Variants in CCDC18 observed in about 807,000 individuals in gnomAD.
The protein encoded by CCDC18 is coiled-coil domain-containing protein 18.
Under a neutral mutation model 196.0 loss-of-function variants are expected in CCDC18, and 157 were observed. The ratio of observed to expected loss-of-function variants is 0.80; its 90% CI spans 0.70 to 0.91. The LOEUF (loss-of-function observed/expected upper bound fraction) is 0.91. CCDC18 is among the 40% of genes least tolerant of loss of function. The pLI, the probability that CCDC18 is intolerant of heterozygous loss-of-function variation, is 0.00. For missense variants in CCDC18, 1,465 were observed against 1,611.6 expected (o/e 0.91, Z 1.56); for synonymous variants, 482 against 529.2 (o/e 0.91, Z 1.22).
rs764495242 is a variant in CCDC18 at position 93,256,511 on chromosome 1, G to A, written c.3519G>A (p.Glu1173=). Residue 1173 remains glutamate (E), a synonymous_variant, in exon 25 of 29, where the codon GAG becomes GAA. Coordinates refer to ENST00000690025, the MANE Select transcript of CCDC18 (RefSeq NM_001378204.1). The part of the protein sequence containing the change: ...REIERLSSEL[E]DMKQLSKEKD... ...TAGAAAGGCTCTCTAGTGAACTGGA[G>A]GATATGAAGCAACTCTCTAAAGAGA... is the stretch of plus-strand genomic sequence containing the variant. 16 of 1,613,616 alleles carry A rather than the reference G, an allele frequency of 9.9e-6. No homozygotes were observed. In the South Asian group the frequency reaches 1.6e-4, roughly 17 times the overall value.
intron 3 of CCDC18, among the ~76,000 whole-genome samples, chr1:93,185,582 A>G (rs1347920469): frequency 2.0e-5 from 3 of 152,004 alleles, no homozygotes; most frequent in Non-Finnish European, 4.4e-5. Context: ...AAGTAAAAAA[A>G]AAATGCAAGG....
chr1:93,263,510 T>TG (rs1214106480), intron 26 of CCDC18, among the ~76,000 whole-genome samples: 2 of 152,152 alleles, frequency 1.3e-5, no homozygotes, highest in African/African-American at 4.8e-5. Context: ...ATCTCTGGGG[T>TG]GGGGGCAAAA....
At chr1:93,196,159 C>A (rs1652684163) in intron 6 of CCDC18, among the ~76,000 whole-genome samples, 1 of 151,966 alleles carries the variant, frequency 6.6e-6, no homozygotes, top group African/African-American at 2.4e-5. Flanking sequence ...CCCATCTCTA[C>A]AAAAAATATA....
At chr1:93,257,231 CAAAAAAAAAAAAAA>C (rs71586787) in intron 25 of CCDC18, among the ~76,000 whole-genome samples, 2 of 46,520 alleles carry the variant, frequency 4.3e-5, no homozygotes, top group Non-Finnish European at 7.6e-5. Flanking sequence ...GACTCCATCT[CAAAAAAAAAAAAAA>C]AAAAAAAAAA....
At chr1:93,183,095 G>A (rs1445582613) in intron 1 of CCDC18, among the ~76,000 whole-genome samples, 1 of 152,036 alleles carries the variant, frequency 6.6e-6, no homozygotes, top group Non-Finnish European at 1.5e-5. Flanking sequence ...GGAAGATCAG[G>A]TATGCTTACA....
chr1:93,226,298 G>GTTTTTTTTTT (rs34227600), intron 16 of CCDC18, 35 bp from the exon 17 acceptor site: 26 of 590,460 alleles, frequency 4.4e-5, no homozygotes, highest in Admixed American at 9.6e-5. Context: ...ATCGTTTTGT[G>GTTTTTTTTTT]TTTTTTTTTT....
At chr1:93,186,280 A>G (rs1446763862) in intron 3 of CCDC18, 65 bp from the exon 4 acceptor site, 2 of 1,441,038 alleles carry the variant, frequency 1.4e-6, no homozygotes. Flanking sequence ...ATAATTTTCC[A>G]TTAATTACAT....
intron 5 of CCDC18, 40 bp from the exon 6 acceptor site, chr1:93,193,576 C>T (rs1652200363): frequency 1.4e-6 from 2 of 1,387,146 alleles, no homozygotes; most frequent in African/African-American, 1.5e-5. Context: ...CTGGGATAAT[C>T]TCTTTAGTAG....
intron 7 of CCDC18, among the ~76,000 whole-genome samples, chr1:93,204,798 C>T (rs970486475): frequency 2.6e-5 from 4 of 151,490 alleles, no homozygotes; most frequent in Middle Eastern, 3.2e-3. Context: ...GTACTGAAAT[C>T]TTAAGTGTGA....
At chr1:93,191,103 T>C (rs1258133345) in intron 4 of CCDC18, 6 of 499,454 alleles carry the variant, frequency 1.2e-5, no homozygotes, top group Non-Finnish European at 2.2e-5. Flanking sequence ...TTTTTTTTTT[T>C]TGGAGCAATT....
intron 17 of CCDC18, among the ~76,000 whole-genome samples, chr1:93,231,292 GCAA>G (rs1460163472): frequency 2.0e-5 from 3 of 152,038 alleles, no homozygotes; most frequent in Admixed American, 6.6e-5. Context: ...TATTATATAA[GCAA>G]CAACAAGAAA....
At chr1:93,202,196 G>C (rs2101842266) in intron 7 of CCDC18, among the ~76,000 whole-genome samples, 1 of 152,268 alleles carries the variant, frequency 6.6e-6, no homozygotes, top group South Asian at 2.1e-4. Context: ...TTTATCCAAA[G>C]AGGGAAAAGA....
chr1:93,229,421 G>A (rs1658902764), intron 17 of CCDC18, among the ~76,000 whole-genome samples: 1 of 152,202 alleles, frequency 6.6e-6, no homozygotes, highest in Non-Finnish European at 1.5e-5. Flanking sequence ...CCTTGTAACA[G>A]CAGAGTTGTG....
At chr1:93,201,684 G>A (rs200141605) in intron 6 of CCDC18, among the ~76,000 whole-genome samples, 1 of 151,344 alleles carries the variant, frequency 6.6e-6, no homozygotes, top group Non-Finnish European at 1.5e-5. Context: ...ATTGTTTTGT[G>A]TTTTATTTTT....
chr1:93,209,015 A>G (rs1360581734), intron 9 of CCDC18, among the ~76,000 whole-genome samples: 5 of 151,648 alleles, frequency 3.3e-5, no homozygotes, highest in Non-Finnish European at 5.9e-5. Context: ...CTGGAGTGCA[A>G]TGGCGAGATC....
Position 93,270,586 on chromosome 1 carries a change from A to G in CCDC18, c.4125A>G (p.Leu1375=), listed in dbSNP as rs1389443769. The change falls in exon 28 of 29, where the codon CTA becomes CTG. Residue 1375 remains leucine (L), a synonymous_variant. Transcript: ENST00000690025. ...ATGAAGATCTTTCTGAAGAATTACT[A>G]CAGGACTTAAAGAAAATGCAATTAG... The part of the protein sequence containing the change: ...HGDEDLSEEL[L]QDLKKMQLEQ... The G allele has an allele frequency of 6.4e-7, 1 of 1,550,448 alleles. No homozygotes were observed.
chr1:93,234,463 T>G (rs1444474511), intron 18 of CCDC18, among the ~76,000 whole-genome samples: 1 of 152,120 alleles, frequency 6.6e-6, no homozygotes, highest in Non-Finnish European at 1.5e-5. Flanking sequence ...CCTGGCCTCA[T>G]TTGTATTTTT....
chr1:93,180,709 A>G (rs1025850122), upstream of CCDC18: 5 of 1,358,650 alleles, frequency 3.7e-6, no homozygotes, highest in African/African-American at 7.5e-5. Context: ...GGCGCGTCCC[A>G]ACGGCTCCCG....
chr1:93,215,705 C>G (rs1240358961), intron 12 of CCDC18, among the ~76,000 whole-genome samples: 1 of 152,156 alleles, frequency 6.6e-6, no homozygotes, highest in East Asian at 1.9e-4. Context: ...TGATCCCCAC[C>G]TCAGTATCCC....
Sources: allele counts gnomAD v4.1 joint callset (sites outside exome capture counted in the v4.1 genomes callset), GRCh38; gene constraint gnomAD v4.1.1; transcripts MANE v1.5; gene names NCBI Gene and HGNC (gene_info 2026-07-23, HGNC 2026-07-21).